The following SLC35B4 variants were observed in gnomAD, a reference collection of about 807,000 sequenced individuals.
SLC35B4 encodes nucleotide sugar transporter SLC35B4.
SLC35B4 carries 28 observed loss-of-function variants against 39.5 expected under a neutral mutation model. The ratio of observed to expected loss-of-function variants is 0.71; its 90% CI spans 0.53 to 0.97. The LOEUF is 0.97. Ranked by LOEUF, SLC35B4 falls within the 50% of genes least tolerant of loss-of-function variation. The probability of loss-of-function intolerance (pLI) is 0.00; values close to 1 mark genes in which losing one functional copy is unlikely to be tolerated. For missense variants in SLC35B4, 334 were observed against 414.3 expected (o/e 0.81, Z 1.68); for synonymous variants, 145 against 150.4 (o/e 0.96, Z 0.26).
At chr7:134,316,584 A>T (rs1408980811) in intron 1 of SLC35B4, 91 bp downstream of exon 1, 14 of 1,349,594 alleles carry the variant, frequency 1.0e-5, no homozygotes, top group Non-Finnish European at 1.4e-5. Flanking sequence ...CGGGGTGGGG[A>T]CAGGGCGTGG....
chr7:134,313,978 C>A (rs1205618852), intron 1 of SLC35B4, among the ~76,000 whole-genome samples: 1 of 152,076 alleles, frequency 6.6e-6, no homozygotes, highest in African/African-American at 2.4e-5. Context: ...TTAATAAATG[C>A]ACCTCCTCAC....
In SLC35B4 at chr7:134,316,689, T is replaced by C. The variant is rs1287265868; in HGVS notation, c.63A>G (p.Leu21=). ...GGGTCACTCACCGGGCCAGGAGCTC[T>C]AGGAAGATCACGTTACTGCAGCAGC... ...FAGCCSNVIF[L]ELLARKHPGC... Residue 21 remains leucine, a synonymous_variant, in exon 1 of 10, where the codon CTA becomes CTG. Transcript: ENST00000378509. 1 of 1,550,520 alleles carries C rather than the reference T, an allele frequency of 6.4e-7. No individual in the cohort carries two copies.
intron 1 of SLC35B4, among the ~76,000 whole-genome samples, chr7:134,314,708 G>C (rs1439828754): frequency 1.3e-5 from 2 of 151,920 alleles, no homozygotes; most frequent in African/African-American, 2.4e-5. Flanking sequence ...GCTAATTTTT[G>C]TATCTTTAGT....
At chr7:134,295,164 A>C (rs1563213649) in intron 9 of SLC35B4, 85 bp from the exon 10 acceptor site, 1 of 1,522,634 alleles carries the variant, frequency 6.6e-7, no homozygotes, top group Non-Finnish European at 8.9e-7. Context: ...CCCTGGTTTA[A>C]CTTCTCATAT....
intron 2 of SLC35B4, among the ~76,000 whole-genome samples, chr7:134,307,879 C>G (rs1223301934): frequency 1.3e-5 from 2 of 152,326 alleles, no homozygotes; most frequent in African/African-American, 4.8e-5. Flanking sequence ...CCAGCAACAG[C>G]TTCTTCACAG....
intron 7 of SLC35B4, among the ~76,000 whole-genome samples, 156 bp from the exon 8 acceptor site, chr7:134,299,754 C>T (rs534313691): frequency 6.6e-6 from 1 of 152,120 alleles, no homozygotes; most frequent in Non-Finnish European, 1.5e-5. Flanking sequence ...GCTTCTTGAC[C>T]ACTTCACCTT....
intron 1 of SLC35B4, among the ~76,000 whole-genome samples, chr7:134,312,643 G>A (rs143363355): frequency 3.9e-5 from 6 of 152,284 alleles, no homozygotes; most frequent in Admixed American, 2.0e-4. Context: ...AAGATAAAAA[G>A]AGATTTAAAA....
intron 2 of SLC35B4, 110 bp from the exon 3 acceptor site, chr7:134,306,884 G>A (rs538686899): frequency 3.0e-5 from 23 of 772,402 alleles, no homozygotes; most frequent in Middle Eastern, 4.9e-4. Flanking sequence ...TTTCCTCTGC[G>A]TTGCAAGATT....
At chr7:134,301,635 G>C (rs1803583812) in intron 6 of SLC35B4, 126 bp downstream of exon 6, 2 of 819,976 alleles carry the variant, frequency 2.4e-6, no homozygotes, top group Non-Finnish European at 4.0e-6. Flanking sequence ...TATGATCCCA[G>C]GTGCCTCTCT....
intron 2 of SLC35B4, among the ~76,000 whole-genome samples, chr7:134,308,108 C>T (rs1803751386): frequency 2.0e-5 from 3 of 152,178 alleles, no homozygotes; most frequent in South Asian, 2.1e-4. Flanking sequence ...GGCCAACACA[C>T]ATAGGACATG....
In SLC35B4 at chr7:134,301,784, T is replaced by C; in HGVS notation, c.464A>G (p.Gln155Arg). The C allele has an allele frequency of 6.2e-7, 1 of 1,614,072 alleles. No individual in the cohort carries two copies. The highest frequency in any genetic ancestry group is 8.5e-7 in the Non-Finnish European group (1 of 1,179,960). The change falls in exon 6 of 10, where the codon CAG (glutamine) becomes CGG (arginine). Residue 155 changes from glutamine (Q) to arginine (R), a missense_variant. By Grantham distance (43) the Gln-to-Arg change is conservative. Transcript: ENST00000378509. Reference sequence around the variant, plus strand: ...GCCTAGTAACCACCACACAAATGCCTGGAATCCATCATTCTCACTCAAGCT... The same window carrying C: ...GCCTAGTAACCACCACACAAATGCCCGGAATCCATCATTCTCACTCAAGCT... ...QSSLSENDGF[Q>R]AFVWWLLGIG...
chr7:134,295,293 C>A (rs187184949), intron 9 of SLC35B4: 363 of 531,016 alleles, frequency 6.8e-4, no homozygotes, highest in African/African-American at 5.5e-3. Context: ...CGCCAAAAAA[C>A]CCCCAATTAT....
intron 6 of SLC35B4, among the ~76,000 whole-genome samples, chr7:134,300,679 T>C (rs934054544): frequency 6.6e-6 from 1 of 152,204 alleles, no homozygotes; most frequent in Non-Finnish European, 1.5e-5. Flanking sequence ...CATCCTTGTA[T>C]ACAAATCTTT....
chr7:134,301,241 C>T (rs1803573277), intron 6 of SLC35B4, among the ~76,000 whole-genome samples: 1 of 152,194 alleles, frequency 6.6e-6, no homozygotes. Flanking sequence ...GAGAACAAAG[C>T]TCTACAGGAG....
At chr7:134,318,474 CACAT>C (rs1436939828), upstream of SLC35B4, among the ~76,000 whole-genome samples, 2 of 108,500 alleles carry the variant, frequency 1.8e-5, no homozygotes, top group East Asian at 2.2e-4. Context: ...TATACACACA[CACAT>C]ATATATATAT....
chr7:134,299,498 T>C (rs1450078232), intron 8 of SLC35B4, 25 bp downstream of exon 8: 1 of 1,581,480 alleles, frequency 6.3e-7, no homozygotes, highest in East Asian at 2.2e-5. Context: ...TGTCAGGTAA[T>C]TCTACTGTCT....
rs545721874 is a variant in SLC35B4, at chr7:134,292,951, G to A, written c.*1882C>T. On this transcript the variant is annotated 3_prime_UTR_variant, in exon 10 of 10. Transcript: ENST00000378509. ...TCCACATTTTAAGTAACAAAAACCC[G>A]AGGCAGCTTAAATGACTTCTCCAAG... 2 of 152,262 alleles carry A rather than the reference G, an allele frequency of 1.3e-5. No individual in the cohort carries two copies. Among genetic ancestry groups the A allele is most frequent in the South Asian group, 2.1e-4 (1 of 4,822 alleles). 9.4% of individuals were successfully genotyped at this position (152,262 alleles called of 1,614,324 possible). A position where few individuals can be genotyped will look rare whatever the true frequency, so the allele number is the denominator to read the frequency against.
upstream of SLC35B4, among the ~76,000 whole-genome samples, chr7:134,318,181 C>T (rs539144537): frequency 3.3e-5 from 5 of 152,264 alleles, no homozygotes; most frequent in East Asian, 5.8e-4. Flanking sequence ...TATTGGGTCT[C>T]GCTTTAGACC....
At chr7:134,313,275 T>C (rs896619998) in intron 1 of SLC35B4, among the ~76,000 whole-genome samples, 2 of 152,210 alleles carry the variant, frequency 1.3e-5, no homozygotes, top group African/African-American at 2.4e-5. Flanking sequence ...TTGGCAAAAA[T>C]TCCAATTTTT....
Sources: gnomAD v4.1 joint callset for allele counts (sites outside exome capture counted in the v4.1 genomes callset) on GRCh38, gnomAD v4.1.1 for gene constraint, MANE v1.5 for transcripts, NCBI Gene and HGNC (gene_info 2026-07-23, HGNC 2026-07-21) for gene names.